Variants in RAD54L2 observed in about 807,000 individuals in gnomAD.
The protein encoded by RAD54L2 is RAD54 like 2, also known as helicase ARIP4.
In RAD54L2, 27 loss-of-function variants were observed where a neutral mutation model predicts 138.4. The ratio of observed to expected loss-of-function variants is 0.20; its 90% CI spans 0.14 to 0.27. The LOEUF (loss-of-function observed/expected upper bound fraction) is 0.27. Ranked by LOEUF, RAD54L2 falls within the 10% of genes least tolerant of loss-of-function variation. The pLI is 1.00. For missense variants in RAD54L2, 1,396 were observed against 1,890.2 expected (o/e 0.74, Z 4.85); for synonymous variants, 644 against 723.2 (o/e 0.89, Z 1.76).
chr3:51,657,527 CT>C, intron 20 of RAD54L2, 52 bp from the exon 21 acceptor site: 2 of 1,268,140 alleles, frequency 1.6e-6, no homozygotes, highest in Non-Finnish European at 2.2e-6. Flanking sequence ...ATTTTCCCCC[CT>C]CCTTCAGTCA....
intron 19 of RAD54L2, among the ~76,000 whole-genome samples, 167 bp downstream of exon 19, chr3:51,646,648 T>C (rs1199323222): frequency 6.6e-6 from 1 of 152,198 alleles, no homozygotes; most frequent in African/African-American, 2.4e-5. Context: ...CCCTGGTGTT[T>C]TAAATGGTTC....
intron 7 of RAD54L2, among the ~76,000 whole-genome samples, chr3:51,631,706 C>T (rs865804138): frequency 6.6e-6 from 1 of 151,732 alleles, no homozygotes; most frequent in Non-Finnish European, 1.5e-5. Flanking sequence ...GCAGTGATCA[C>T]GACTCACTGC....
chr3:51,635,832 A>G (rs767572696), intron 10 of RAD54L2, 43 bp downstream of exon 10: 24 of 1,527,094 alleles, frequency 1.6e-5, no homozygotes, highest in African/African-American at 2.8e-5. Context: ...GTGTTTCAGG[A>G]AAAAAGAAAT....
At chr3:51,545,969 C>T (rs1698682383) in intron 2 of RAD54L2, among the ~76,000 whole-genome samples, 1 of 127,454 alleles carries the variant, frequency 7.8e-6, no homozygotes, top group Admixed American at 9.1e-5. Context: ...GATGGCGTCT[C>T]ACTCTGTAGC....
chr3:51,548,430 C>T (rs896214619), intron 2 of RAD54L2, among the ~76,000 whole-genome samples: 2 of 152,116 alleles, frequency 1.3e-5, no homozygotes, highest in Non-Finnish European at 2.9e-5. Flanking sequence ...TCAGGTGATC[C>T]GCCTGCCTTC....
rs1395986577 is a variant in RAD54L2, at chr3:51,637,630, CTT to C, written c.1682+129_1682+130del. 9 of 943,856 alleles carry C rather than the reference CTT, an allele frequency of 9.5e-6. No individual in the cohort carries two copies. The highest frequency in any genetic ancestry group is 3.1e-6 in the Non-Finnish European group (2 of 650,854). The allele number at this position is 943,856 out of a possible 1,614,324, so 58.5% of individuals were successfully genotyped here. A position where few individuals can be genotyped will look rare whatever the true frequency, so the allele number is the denominator to read the frequency against. ...CCCCTTCCCTGGGGCAGTAGTAAAA[CTT>C]TGCTTCCTGTGACAAGCTAGCAGAT... On this transcript the variant is annotated intron_variant, in intron 11 of 22. Transcript: ENST00000684192. This position sits in a 1 kb window ranked among gnomAD's most constrained non-coding sequence, Gnocchi z 5.9.
Position 51,635,705 on chromosome 3 carries a change from G to T in RAD54L2, c.1255G>T (p.Gly419Cys), listed in dbSNP as rs1447600608. The change falls in exon 10 of 23, where the codon GGT (glycine) becomes TGT (cysteine). Residue 419 changes from glycine to cysteine, a missense_variant. Gly to Cys is a radical substitution (Grantham distance 159, BLOSUM62 -3). This residue lies in a region of RAD54L2 where 169 missense variants were observed against 235.6 expected (regional missense o/e 0.72). Transcript: ENST00000684192. ...LLTLKKSFATGRPKKTKKRSH... is the reference protein window; with the variant it reads ...LLTLKKSFATCRPKKTKKRSH... ...CACTCTGAAGAAATCATTTGCCACA[G>T]GTAGACCGAAGAAAACCAAGAAGCG... 1.9e-6 allele frequency: 3 copies of T among 1,613,752 alleles called. No individual in the cohort carries two copies. Among genetic ancestry groups the T allele is most frequent in the Non-Finnish European group, 2.5e-6 (3 of 1,179,870 alleles).
intron 19 of RAD54L2, among the ~76,000 whole-genome samples, chr3:51,649,149 T>A (rs1701362678): frequency 6.6e-6 from 1 of 151,908 alleles, no homozygotes; most frequent in African/African-American, 2.4e-5. Context: ...GAGAACTACA[T>A]GACACATGCA....
In RAD54L2 at chr3:51,664,228, G is replaced by C. The variant is rs2106865626; in HGVS notation, c.*808G>C. ...GAGCCACATTTGTGTGAGAATTTGG[G>C]GAAATTCATGAGAGAAAATGGGCAT... On this transcript the variant is annotated 3_prime_UTR_variant, in exon 23 of 23. Coordinates refer to ENST00000684192, the MANE Select transcript of RAD54L2 (RefSeq NM_015106.4). 6.6e-6 allele frequency: 1 copy of C among 152,186 alleles called. No individual in the cohort carries two copies. Among genetic ancestry groups the C allele is most frequent in the East Asian group, 1.9e-4 (1 of 5,174 alleles). The allele number at this position is 152,186 out of a possible 1,614,324, so 9.4% of individuals were successfully genotyped here. A position where few individuals can be genotyped will look rare whatever the true frequency, so the allele number is the denominator to read the frequency against.
intron 3 of RAD54L2, among the ~76,000 whole-genome samples, chr3:51,614,838 T>C (rs1700409558): frequency 6.6e-6 from 1 of 151,834 alleles, no homozygotes; most frequent in Non-Finnish European, 1.5e-5. Context: ...TAAAGATATA[T>C]TTAAATTAGA....
At chr3:51,626,321 C>T (rs529666404) in intron 3 of RAD54L2, among the ~76,000 whole-genome samples, 27 of 151,536 alleles carry the variant, frequency 1.8e-4, no homozygotes, top group African/African-American at 5.8e-4. Context: ...ACCCAGTGAA[C>T]AGAATGCTAC....
chr3:51,557,586 C>A (rs1348415407), intron 2 of RAD54L2, among the ~76,000 whole-genome samples: 2 of 151,788 alleles, frequency 1.3e-5, no homozygotes, highest in African/African-American at 4.8e-5. Flanking sequence ...AATCTCAACA[C>A]TTTGGGAGGC....
chr3:51,609,013 C>T (rs765528425), intron 3 of RAD54L2, among the ~76,000 whole-genome samples: 15 of 152,134 alleles, frequency 9.9e-5, no homozygotes, highest in Non-Finnish European at 1.6e-4. Context: ...GCCTCTCCCT[C>T]CTGAGTAGCT....
intron 14 of RAD54L2, 132 bp downstream of exon 14, chr3:51,640,131 C>T (rs1701092800): frequency 3.1e-6 from 2 of 636,566 alleles, no homozygotes; most frequent in Non-Finnish European, 5.4e-6. Context: ...TGTTGTCTGT[C>T]TCTTGGAGTT....
intron 3 of RAD54L2, among the ~76,000 whole-genome samples, chr3:51,620,654 C>G (rs1246721293): frequency 6.6e-6 from 1 of 151,958 alleles, no homozygotes; most frequent in Non-Finnish European, 1.5e-5. Flanking sequence ...TGGTGGTGTT[C>G]ATAATTCATT....
chr3:51,599,982 G>A (rs975627254), intron 3 of RAD54L2, among the ~76,000 whole-genome samples: 4 of 151,624 alleles, frequency 2.6e-5, no homozygotes, highest in Admixed American at 2.0e-4. Flanking sequence ...AGGCTGGAGT[G>A]CAGTGGCGTG....
intron 3 of RAD54L2, among the ~76,000 whole-genome samples, chr3:51,618,767 A>G (rs1700503483): frequency 6.6e-6 from 1 of 152,164 alleles, no homozygotes; most frequent in Admixed American, 6.6e-5. Context: ...AATGTGAGTT[A>G]CTGTGGCCAG....
At position 51,667,240 on chromosome 3, in the gene RAD54L2, C is replaced by T. The variant is rs1056060255; in HGVS notation, c.*3820C>T. On this transcript the variant is annotated 3_prime_UTR_variant, in exon 23 of 23. Transcript: ENST00000684192. ...GAGTGCAATGGTGTGATCTTGGCTC[C>T]GTGCAACCTCCACTCCCGGTTTCAA... The T allele has an allele frequency of 2.6e-5, 4 of 151,848 alleles. No individual in the cohort carries two copies. Among genetic ancestry groups the T allele is most frequent in the Non-Finnish European group, 4.4e-5 (3 of 68,030 alleles). The allele number at this position is 151,848 out of a possible 1,614,324, so 9.4% of individuals were successfully genotyped here.
intron 2 of RAD54L2, among the ~76,000 whole-genome samples, chr3:51,554,229 T>C (rs2108694570): frequency 6.6e-6 from 1 of 152,070 alleles, no homozygotes; most frequent in Admixed American, 6.6e-5. Context: ...TAGCCGGGTG[T>C]GGTGGTGCAC....
Sources: allele counts gnomAD v4.1 joint callset (sites outside exome capture counted in the v4.1 genomes callset), GRCh38; gene constraint gnomAD v4.1.1; regional missense constraint gnomAD v4.1.1; non-coding constraint Gnocchi (gnomAD v3.1); transcripts MANE v1.5; gene names NCBI Gene and HGNC (gene_info 2026-07-23, HGNC 2026-07-21).